Variants in FSTL4 observed in about 807,000 individuals in gnomAD.
FSTL4 encodes follistatin like 4, also known as follistatin-related protein 4.
A neutral mutation model predicts 78.2 loss-of-function variants in FSTL4; 28 were observed. The observed-to-expected ratio is 0.36, with a 90% CI of 0.27 to 0.49. FSTL4 has a LOEUF of 0.49. Ranked by LOEUF, FSTL4 falls within the 20% of genes least tolerant of loss-of-function variation. The pLI is 0.98. For missense variants in FSTL4, 922 were observed against 1,084.9 expected (o/e 0.85, Z 2.11); for synonymous variants, 422 against 440.5 (o/e 0.96, Z 0.53).
intron 4 of FSTL4, among the ~76,000 whole-genome samples, chr5:133,329,478 C>T (rs1754293063): frequency 6.6e-6 from 1 of 152,058 alleles, no homozygotes; most frequent in African/African-American, 2.4e-5. Context: ...CAAGGTCCCA[C>T]AATAGACTGT....
intron 3 of FSTL4, among the ~76,000 whole-genome samples, chr5:133,419,175 G>A (rs921567123): frequency 6.6e-6 from 1 of 152,042 alleles, no homozygotes; most frequent in Admixed American, 6.5e-5. Context: ...TTACCAGGCT[G>A]GAGTGCAGTG....
At chr5:133,640,667 C>T in the FSTL4 span, among the ~76,000 whole-genome samples, 1 of 152,162 alleles carries the variant, frequency 6.6e-6, no homozygotes, top group African/African-American at 2.4e-5. Flanking sequence ...CAATTTGATA[C>T]TGTCTGGGCC....
chr5:133,830,754 T>A, the FSTL4 span, among the ~76,000 whole-genome samples: 1 of 152,128 alleles, frequency 6.6e-6, no homozygotes, highest in Admixed American at 6.5e-5. Context: ...TCCTCGTCAA[T>A]TAGGTGAACA....
the FSTL4 span, among the ~76,000 whole-genome samples, chr5:133,813,926 A>AAGAGAC: frequency 6.6e-6 from 1 of 152,224 alleles, no homozygotes; most frequent in Non-Finnish European, 1.5e-5. Context: ...CTCCATTGCA[A>AAGAGAC]AGAGACAATA....
At chr5:133,418,847 CAACA>C (rs1408967885) in intron 3 of FSTL4, among the ~76,000 whole-genome samples, 1 of 152,226 alleles carries the variant, frequency 6.6e-6, no homozygotes, top group Admixed American at 6.5e-5. Flanking sequence ...ACAACCAAGA[CAACA>C]AACACATCAC....
chr5:133,414,132 A>T (rs1756531585), intron 3 of FSTL4, among the ~76,000 whole-genome samples: 1 of 151,908 alleles, frequency 6.6e-6, no homozygotes, highest in Non-Finnish European at 1.5e-5. Flanking sequence ...GCACCCAAGG[A>T]CTCCACCATT....
chr5:133,790,771 C>G, the FSTL4 span, among the ~76,000 whole-genome samples: 1 of 152,176 alleles, frequency 6.6e-6, no homozygotes, highest in South Asian at 2.1e-4. Context: ...CTCTCACATC[C>G]CACATTCAGA....
chr5:133,322,045 A>T (rs1213820577), intron 4 of FSTL4, among the ~76,000 whole-genome samples: 2 of 152,174 alleles, frequency 1.3e-5, no homozygotes, highest in Non-Finnish European at 2.9e-5. Context: ...CTTTGTGGTA[A>T]CCTTGGCTAA....
At chr5:133,214,029 A>G (rs1750827142) in intron 13 of FSTL4, among the ~76,000 whole-genome samples, 1 of 152,246 alleles carries the variant, frequency 6.6e-6, no homozygotes, top group African/African-American at 2.4e-5. Context: ...GTAAGAATAA[A>G]AGGAAAATGA....
chr5:133,546,505 CAAAAAAAAAAA>C (rs71581365), intron 3 of FSTL4, among the ~76,000 whole-genome samples: 11 of 75,422 alleles, frequency 1.5e-4, no homozygotes, highest in East Asian at 4.6e-4. Flanking sequence ...GACTTTGTCT[CAAAAAAAAAAA>C]AAAAAAAAAA....
chr5:133,501,370 G>A (rs1758493965), intron 3 of FSTL4, among the ~76,000 whole-genome samples: 1 of 152,176 alleles, frequency 6.6e-6, no homozygotes, highest in African/African-American at 2.4e-5. Flanking sequence ...CATTTTCACT[G>A]TGTCTTGTAC....
chr5:133,493,105 A>T (rs1758302581), intron 3 of FSTL4, among the ~76,000 whole-genome samples: 2 of 151,662 alleles, frequency 1.3e-5, no homozygotes, highest in Non-Finnish European at 2.9e-5. Context: ...TCTTTTTATT[A>T]TTCTAATAAT....
chr5:133,828,145 T>C, the FSTL4 span, among the ~76,000 whole-genome samples: 1 of 152,090 alleles, frequency 6.6e-6, no homozygotes, highest in South Asian at 2.1e-4. Flanking sequence ...GAAGATTCCC[T>C]AGGGGAGGAC....
intron 14 of FSTL4, among the ~76,000 whole-genome samples, chr5:133,205,583 A>AAATC (rs1750471709): frequency 2.0e-5 from 3 of 152,226 alleles, no homozygotes; most frequent in Admixed American, 2.0e-4. Context: ...TCCTTTAAAA[A>AAATC]AATCATAAGC....
At chr5:133,811,090 A>G in the FSTL4 span, among the ~76,000 whole-genome samples, 1 of 152,324 alleles carries the variant, frequency 6.6e-6, no homozygotes, top group East Asian at 1.9e-4. Flanking sequence ...TCAAAAGTGC[A>G]TTATTTCCAA....
the FSTL4 span, among the ~76,000 whole-genome samples, chr5:133,699,479 G>A: frequency 0.35 from 53,141 of 151,784 alleles, 10,189 homozygotes; most frequent in African/African-American, 0.51. Flanking sequence ...CGAGGTTGGT[G>A]TTAGTGTTTT....
At chr5:133,737,892 C>T in the FSTL4 span, among the ~76,000 whole-genome samples, 1 of 152,072 alleles carries the variant, frequency 6.6e-6, no homozygotes. Flanking sequence ...CGTGAGCCAC[C>T]GCGCCCGGCC....
intron 3 of FSTL4, among the ~76,000 whole-genome samples, chr5:133,438,198 C>T (rs566996365): frequency 6.6e-6 from 1 of 152,276 alleles, no homozygotes; most frequent in South Asian, 2.1e-4. Flanking sequence ...CTTTCTTTTG[C>T]CTTCGACATG....
At chr5:133,245,682 G>A (rs17166442) in intron 7 of FSTL4, among the ~76,000 whole-genome samples, 14,083 of 152,160 alleles carry the variant, frequency 0.093, 733 homozygotes, top group East Asian at 0.16. Context: ...TAGCAAGTGA[G>A]TCAACCCAAA....
Sources: allele counts gnomAD v4.1 joint callset (sites outside exome capture counted in the v4.1 genomes callset), GRCh38; gene constraint gnomAD v4.1.1; transcripts MANE v1.5; gene names NCBI Gene and HGNC (gene_info 2026-07-23, HGNC 2026-07-21).